The following CHD3 variants were observed in gnomAD, a reference collection of about 807,000 sequenced individuals.
CHD3 encodes chromodomain helicase DNA binding protein 3, also known as ATP-dependent chromatin remodeler CHD3.
Under a neutral mutation model 248.9 loss-of-function variants are expected in CHD3, and 52 were observed. The ratio of observed to expected loss-of-function variants is 0.21; its 90% CI spans 0.17 to 0.26. The LOEUF (loss-of-function observed/expected upper bound fraction) is 0.26. Ranked by LOEUF, CHD3 falls within the 10% of genes least tolerant of loss-of-function variation. The probability of loss-of-function intolerance (pLI) is 1.00; values close to 1 mark genes in which losing one functional copy is unlikely to be tolerated. For missense variants in CHD3, 1,482 were observed against 2,605.8 expected (o/e 0.57, Z 9.39); for synonymous variants, 985 against 985.2 (o/e 1.00, Z 0.00).
At position 7,906,004 on chromosome 17, in the gene CHD3, T is replaced by TA. The variant is rs1242449106; in HGVS notation, c.4358+16dup. On this transcript the variant is annotated intron_variant, in intron 28 of 39. Transcript: ENST00000330494. This position sits in a 1 kb window ranked among gnomAD's most constrained non-coding sequence, Gnocchi z 5.0. The stretch of plus-strand genomic sequence containing the variant: ...AAGGAGTTTAAGTGAGTGTGGGTGA[T>TA]ACAGGGCTGAGTTGGACGCAAGGGG... 3.1e-6 allele frequency: 5 copies of TA among 1,613,220 alleles called. No individual in the cohort carries two copies. The highest frequency in any genetic ancestry group is 4.2e-6 in the Non-Finnish European group (5 of 1,179,552).
intron 8 of CHD3, 39 bp downstream of exon 8, chr17:7,894,647 C>G (rs1339238981): frequency 6.3e-7 from 1 of 1,577,930 alleles, no homozygotes; most frequent in South Asian, 1.1e-5. Flanking sequence ...CCCTGAGGAA[C>G]CCACCCATCT....
chr17:7,911,297 C>T lies in CHD3; in HGVS notation c.5882-167C>T, dbSNP rs1337931563. ...TGGGAACATGTGTTCAATCATGTAG[C>T]ACAAAGTGGAATCTCAGGGAAAGGG... On this transcript the variant is annotated intron_variant, in intron 39 of 39. Coordinates refer to ENST00000330494, the MANE Select transcript of CHD3 (RefSeq NM_001005273.3). The surrounding 1 kb of genome is among the most constrained non-coding windows in gnomAD (Gnocchi z 5.4). 6.6e-6 allele frequency among the ~76,000 whole-genome samples: 1 copy of T among 152,246 alleles called. No homozygotes were observed. Among genetic ancestry groups the T allele is most frequent in the African/African-American group, 2.4e-5 (1 of 41,460 alleles).
chr17:7,889,220 C>T lies in CHD3; in HGVS notation c.100+120C>T. On this transcript the variant is annotated intron_variant, in intron 1 of 39. Transcript: ENST00000330494. The surrounding 1 kb of genome is among the most constrained non-coding windows in gnomAD (Gnocchi z 4.5). ...TTGGCTCTCCCTCCCCAGCATCTGG[C>T]TTAGGGAGCTGCCAGCTTGTGTCTC... The T allele has an allele frequency of 8.0e-7, 1 of 1,254,470 alleles. No homozygotes were observed. The highest frequency in any genetic ancestry group is 1.1e-6 in the Non-Finnish European group (1 of 898,436). 77.7% of individuals were successfully genotyped at this position (1,254,470 alleles called of 1,614,324 possible).
In CHD3 at chr17:7,889,117, A is replaced by G. The variant is rs759954444; in HGVS notation, c.100+17A>G. ...GGATGCCTGGTAATTATCCGAGGAA[A>G]TGTAAATAGAGGCCTCCCTCTTGGC... On this transcript the variant is annotated intron_variant, in intron 1 of 39. Coordinates refer to ENST00000330494, the MANE Select transcript of CHD3 (RefSeq NM_001005273.3). The surrounding 1 kb of genome is among the most constrained non-coding windows in gnomAD (Gnocchi z 4.5). The G allele has an allele frequency of 1.2e-6, 2 of 1,614,060 alleles. No individual in the cohort carries two copies. Among genetic ancestry groups the G allele is most frequent in the Non-Finnish European group, 1.7e-6 (2 of 1,179,964 alleles).
At chr17:7,896,356 G>A (rs370513167) in intron 10 of CHD3, among the ~76,000 whole-genome samples, 8 of 148,602 alleles carry the variant, frequency 5.4e-5, no homozygotes, top group South Asian at 2.1e-4. Flanking sequence ...TTTATTCTCC[G>A]TCTTGGCTTT....
Position 7,908,051 on chromosome 17 carries a change from C to T in CHD3, c.5152+32C>T, listed in dbSNP as rs767573897. On this transcript the variant is annotated intron_variant, in intron 34 of 39. Coordinates refer to ENST00000330494, the MANE Select transcript of CHD3 (RefSeq NM_001005273.3). This position sits in a 1 kb window ranked among gnomAD's most constrained non-coding sequence, Gnocchi z 5.8. ...GAGACTCTCGCTGCTTTCTGCTCCT[C>T]AAGGGGATCTGCTCATCCTCATGGG... 3 of 1,571,606 alleles carry T rather than the reference C, an allele frequency of 1.9e-6. No homozygotes were observed. The highest frequency in any genetic ancestry group is 2.6e-6 in the Non-Finnish European group (3 of 1,153,988).
chr17:7,908,148 T>G lies in CHD3; in HGVS notation c.5152+129T>G. 8 of 1,134,588 alleles carry G rather than the reference T, an allele frequency of 7.1e-6. No individual in the cohort carries two copies. Among genetic ancestry groups the G allele is most frequent in the African/African-American group, 1.6e-5 (1 of 64,254 alleles). The allele number at this position is 1,134,588 out of a possible 1,614,324, so 70.3% of individuals were successfully genotyped here. ...ACTTCCAATGAAGTATGTTGCATGC[T>G]GACTCCGATCCTTGCTCTAAATCTT... On this transcript the variant is annotated intron_variant, in intron 34 of 39. Coordinates refer to ENST00000330494, the MANE Select transcript of CHD3 (RefSeq NM_001005273.3). This position sits in a 1 kb window ranked among gnomAD's most constrained non-coding sequence, Gnocchi z 5.8.
In CHD3 at chr17:7,908,166, T is replaced by A; in HGVS notation, c.5152+147T>A. ...TGCATGCTGACTCCGATCCTTGCTC[T>A]AAATCTTTCTTAAGTATCCCTCTTA... On this transcript the variant is annotated intron_variant, in intron 34 of 39. Coordinates refer to ENST00000330494, the MANE Select transcript of CHD3 (RefSeq NM_001005273.3). This position sits in a 1 kb window ranked among gnomAD's most constrained non-coding sequence, Gnocchi z 5.8. The A allele has an allele frequency of 9.3e-7, 1 of 1,080,682 alleles. No homozygotes were observed. Among genetic ancestry groups the A allele is most frequent in the Non-Finnish European group, 1.3e-6 (1 of 753,746 alleles). The allele number at this position is 1,080,682 out of a possible 1,614,324, so 66.9% of individuals were successfully genotyped here.
rs1969569032 is a variant in CHD3, at chr17:7,895,859, CT to C, written c.1707+320del. Among the ~76,000 whole-genome samples the C allele has an allele frequency of 6.6e-6, 1 of 152,030 alleles. No individual in the cohort carries two copies. The highest frequency in any genetic ancestry group is 2.4e-5 in the African/African-American group (1 of 41,370). On this transcript the variant is annotated intron_variant, in intron 10 of 39. Transcript: ENST00000330494. This position sits in a 1 kb window ranked among gnomAD's most constrained non-coding sequence, Gnocchi z 4.9. Reference sequence around the variant, plus strand: ...GTGGCTCACACCTATAATCCTAGCACTTTGGGAGGCCAAGGCAGGAGGATTG... The same window carrying C: ...GTGGCTCACACCTATAATCCTAGCACTTGGGAGGCCAAGGCAGGAGGATTG...
chr17:7,898,874 T>C (rs1969994521), intron 13 of CHD3, 137 bp from the exon 14 acceptor site: 7 of 794,982 alleles, frequency 8.8e-6, no homozygotes, highest in Admixed American at 2.4e-5. Context: ...GAAGACTAGA[T>C]GTGAGAACTT....
At chr17:7,892,440 G>A (rs1309483383) in intron 4 of CHD3, among the ~76,000 whole-genome samples, 1 of 150,240 alleles carries the variant, frequency 6.7e-6, no homozygotes, top group African/African-American at 2.4e-5. Flanking sequence ...CATTTTTGTT[G>A]ATTTTATTTT....
At chr17:7,898,788 C>A (rs1969984157) in intron 13 of CHD3, among the ~76,000 whole-genome samples, 193 bp downstream of exon 13, 1 of 152,204 alleles carries the variant, frequency 6.6e-6, no homozygotes, top group African/African-American at 2.4e-5. Flanking sequence ...AGATAGCCCA[C>A]TGGTGGCTCT....
At position 7,903,257 on chromosome 17, in the gene CHD3, C is replaced by G; in HGVS notation, c.3496-15C>G. The G allele has an allele frequency of 6.2e-7, 1 of 1,612,464 alleles. No individual in the cohort carries two copies. The highest frequency in any genetic ancestry group is 8.5e-7 in the Non-Finnish European group (1 of 1,178,944). ...ACTCCCCTGACCCACCCGCCACTTT[C>G]TCTTGCCCCTGCAGGCCTTTAGCCG... On this transcript the variant is annotated splice_polypyrimidine_tract_variant and intron_variant, in intron 22 of 39. Transcript: ENST00000330494. The surrounding 1 kb of genome is among the most constrained non-coding windows in gnomAD (Gnocchi z 6.8).
chr17:7,893,942 G>T lies in CHD3; in HGVS notation c.924+7G>T. 2 of 1,469,198 alleles carry T rather than the reference G, an allele frequency of 1.4e-6. No individual in the cohort carries two copies. The highest frequency in any genetic ancestry group is 1.2e-5 in the South Asian group (1 of 80,498). The allele number at this position is 1,469,198 out of a possible 1,614,324, so 91.0% of individuals were successfully genotyped here. A position where few individuals can be genotyped will look rare whatever the true frequency, so the allele number is the denominator to read the frequency against. Reference sequence around the variant, plus strand: ...GAGGAAGAAAGGAGGCTCGGTGAGTGACCCGTCCCTGTCTACTAAACACCT... The same window carrying T: ...GAGGAAGAAAGGAGGCTCGGTGAGTTACCCGTCCCTGTCTACTAAACACCT... On this transcript the variant is annotated splice_region_variant and intron_variant, in intron 6 of 39. Transcript: ENST00000330494.
At chr17:7,892,064 G>A (rs1482960656) in intron 4 of CHD3, among the ~76,000 whole-genome samples, 1 of 152,124 alleles carries the variant, frequency 6.6e-6, no homozygotes, top group African/African-American at 2.4e-5. Flanking sequence ...AATCTGTGTG[G>A]GTTTGGTGGG....
At chr17:7,893,252 G>A in intron 4 of CHD3, 34 bp from the exon 5 acceptor site, 5 of 1,566,972 alleles carry the variant, frequency 3.2e-6, no homozygotes, top group Admixed American at 3.7e-5. Flanking sequence ...GACCATCTGT[G>A]AAGGGTCCGA....
Position 7,894,441 on chromosome 17 carries a change from G to A in CHD3, c.1102G>A (p.Glu368Lys), listed in dbSNP as rs747946918. 5.6e-6 allele frequency: 9 copies of A among 1,613,784 alleles called. No homozygotes were observed. The African/African-American group carries it at 8.0e-5, about 14-fold the overall frequency. Residue 368 changes from glutamate to lysine, a missense_variant, in exon 8 of 40, where the codon GAG (glutamate) becomes AAG (lysine). Glu to Lys is a moderately conservative substitution (Grantham distance 56). This residue lies in a region of CHD3 where 138 missense variants were observed against 241.1 expected (regional missense o/e 0.57). Transcript: ENST00000330494. ...CCTGGGCTGTCCTGCAGTGGCCGGGGAGGAGGAGGTTGATGGCTACGAGAC... is the reference window on the plus strand; with the variant it reads ...CCTGGGCTGTCCTGCAGTGGCCGGGAAGGAGGAGGTTGATGGCTACGAGAC... ...KVLGCPAVAG[E>K]EEVDGYETDH...
chr17:7,908,742 T>A lies in CHD3; in HGVS notation c.5307T>A (p.Phe1769Leu). 1 of 1,614,138 alleles carries A rather than the reference T, an allele frequency of 6.2e-7. No individual in the cohort carries two copies. The highest frequency in any genetic ancestry group is 8.5e-7 in the Non-Finnish European group (1 of 1,180,004). ...AGGACATCCAGAATGATGCTCAATT[T>A]GCCATTATCAACGAGCCATTTAAAA... The part of the protein sequence containing the change: ...RWQDIQNDAQ[F>L]AIINEPFKTE... The change falls in exon 36 of 40, where the codon TTT becomes TTA. Residue 1769 changes from phenylalanine (F) to leucine (L), a missense_variant. Phe to Leu is a conservative substitution (Grantham distance 22, BLOSUM62 0). Transcript: ENST00000330494. This position sits in a 1 kb window ranked among gnomAD's most constrained non-coding sequence, Gnocchi z 5.8.
chr17:7,903,160 T>C lies in CHD3; in HGVS notation c.3495+99T>C, dbSNP rs1970513963. 4 of 1,572,980 alleles carry C rather than the reference T, an allele frequency of 2.5e-6. No individual in the cohort carries two copies. In the South Asian group the frequency reaches 3.4e-5, roughly 14 times the overall value. On this transcript the variant is annotated intron_variant, in intron 22 of 39. Transcript: ENST00000330494. This position sits in a 1 kb window ranked among gnomAD's most constrained non-coding sequence, Gnocchi z 6.8. Reference sequence around the variant, plus strand: ...TCCGGGGTCAGAAATAAATCTCTTCTGGGAGGAGAGAAGGCCCTTCTTCAG... The same window carrying C: ...TCCGGGGTCAGAAATAAATCTCTTCCGGGAGGAGAGAAGGCCCTTCTTCAG...
Sources: gnomAD v4.1 joint callset for allele counts (sites outside exome capture counted in the v4.1 genomes callset) on GRCh38, gnomAD v4.1.1 for gene constraint, gnomAD v4.1.1 regional missense constraint, Gnocchi (gnomAD v3.1) non-coding constraint, MANE v1.5 for transcripts, NCBI Gene and HGNC (gene_info 2026-07-23, HGNC 2026-07-21) for gene names.